ANKRD50: variants seen among roughly 807,000 people sequenced by gnomAD.
The protein encoded by ANKRD50 is ankyrin repeat domain-containing protein 50.
Under a neutral mutation model 112.0 loss-of-function variants are expected in ANKRD50, and 40 were observed. The ratio of observed to expected loss-of-function variants is 0.36; its 90% confidence interval spans 0.28 to 0.46. The LOEUF (loss-of-function observed/expected upper bound fraction) is 0.46. Ranked by LOEUF, ANKRD50 falls within the 20% of genes least tolerant of loss-of-function variation. ANKRD50 has a pLI of 1.00. For missense variants in ANKRD50, 1,487 were observed against 1,701.7 expected, an observed-to-expected ratio of 0.87 and a Z score of 2.22; for synonymous variants, 613 against 619.1, an observed-to-expected ratio of 0.99 and a Z score of 0.15.
chr4:124,691,904 T>C (rs1215543483), intron 2 of ANKRD50, among the ~76,000 whole-genome samples: 1 of 152,136 alleles, frequency 6.6e-6, no homozygotes, highest in Non-Finnish European at 1.5e-5. Flanking sequence ...AAATCTGAAA[T>C]ACAAATCCAA....
At chr4:124,673,744 T>C (rs1052319833) in intron 3 of ANKRD50, among the ~76,000 whole-genome samples, 1 of 152,098 alleles carries the variant, frequency 6.6e-6, no homozygotes, top group East Asian at 1.9e-4. Context: ...TTTGTAATAC[T>C]AAGCTTTAAG....
Position 124,671,460 on chromosome 4 carries a change from T to G in ANKRD50, c.1817A>C (p.His606Pro). The G allele has an allele frequency of 6.2e-7, 1 of 1,613,802 alleles. No homozygotes were observed. Among genetic ancestry groups the G allele is most frequent in the African/African-American group, 1.3e-5 (1 of 75,002 alleles). ...TGCTGTCCAACCATCTTGATCAGTA[T>G]GATTAATATTTGCTCCACACCCAAT... The part of the protein sequence containing the change: ...CLIGCGANIN[H>P]TDQDGWTALR... The change falls in exon 4 of 5, where the codon CAT becomes CCT. Residue 606 changes from histidine to proline, a missense_variant. His to Pro is a moderately conservative substitution (Grantham distance 77, BLOSUM62 -2). Around this residue, in one of 2 missense-constraint regions of ANKRD50, gnomAD observed 1,046 missense variants for 1,269.5 expected, o/e 0.82. Transcript: ENST00000504087.
chr4:124,705,799 T>C (rs1221730884), intron 2 of ANKRD50, among the ~76,000 whole-genome samples: 1 of 152,162 alleles, frequency 6.6e-6, no homozygotes, highest in Non-Finnish European at 1.5e-5. Flanking sequence ...ACAGTCAATG[T>C]AAAATATACA....
intron 2 of ANKRD50, among the ~76,000 whole-genome samples, chr4:124,692,000 A>G (rs1209035814): frequency 1.3e-5 from 2 of 152,252 alleles, no homozygotes; most frequent in African/African-American, 4.8e-5. Context: ...GACAAGCCGA[A>G]GTCAAAATGC....
chr4:124,697,165 T>A (rs193110162), intron 2 of ANKRD50, among the ~76,000 whole-genome samples: 28 of 152,302 alleles, frequency 1.8e-4, no homozygotes, highest in African/African-American at 6.5e-4. Flanking sequence ...AGAAGTTGAG[T>A]AAGCAGTTAG....
In ANKRD50 at chr4:124,670,774, C is replaced by T. The variant is rs1478757885; in HGVS notation, c.2503G>A (p.Asp835Asn). 6.2e-7 allele frequency: 1 copy of T among 1,613,864 alleles called. No homozygotes were observed. The highest frequency in any genetic ancestry group is 8.5e-7 in the Non-Finnish European group (1 of 1,179,868). The change falls in exon 4 of 5, where the codon GAT becomes AAT. Residue 835 changes from aspartate (D) to asparagine (N), a missense_variant. Coordinates refer to ENST00000504087, the MANE Select transcript of ANKRD50 (RefSeq NM_020337.3). The part of the protein sequence containing the change: ...GNVEVVRTLL[D>N]RGLDENHRDD... ...CTGTGATTTTCATCTAACCCTCTAT[C>T]CAGTAGAGTACGTACCACCTCAACA... is the stretch of plus-strand genomic sequence containing the variant.
At chr4:124,691,852 T>C (rs930719300) in intron 2 of ANKRD50, among the ~76,000 whole-genome samples, 3 of 152,202 alleles carry the variant, frequency 2.0e-5, no homozygotes, top group African/African-American at 7.2e-5. Flanking sequence ...ATCACTGATT[T>C]CTACTTGAAA....
intron 2 of ANKRD50, among the ~76,000 whole-genome samples, chr4:124,684,681 T>G (rs1426638350): frequency 2.0e-5 from 3 of 152,198 alleles, no homozygotes; most frequent in African/African-American, 7.2e-5. Flanking sequence ...GATATTAACT[T>G]TCACATTAGA....
chr4:124,669,868 T>C lies in ANKRD50; in HGVS notation c.3409A>G (p.Ser1137Gly), dbSNP rs1730591815. 1 of 1,612,874 alleles carries C rather than the reference T, an allele frequency of 6.2e-7. No homozygotes were observed. The highest frequency in any genetic ancestry group is 1.3e-5 in the African/African-American group (1 of 74,806). The change falls in exon 4 of 5, where the codon AGC becomes GGC. Residue 1137 changes from serine (S) to glycine (G), a missense_variant. By Grantham distance (56) the Ser-to-Gly change is moderately conservative (BLOSUM62 0). This residue lies in a region of ANKRD50 where 441 missense variants were observed against 432.2 expected (regional missense o/e 1.02). Transcript: ENST00000504087. ...KVQSLTIKSN[S>G]SGSTGGGDMQ... ...TCCCCTCCACCAGTACTACCAGAGC[T>C]ATTTGATTTAATTGTTAATGACTGC...
At chr4:124,704,178 A>G (rs1416885130) in intron 2 of ANKRD50, among the ~76,000 whole-genome samples, 1 of 152,230 alleles carries the variant, frequency 6.6e-6, no homozygotes, top group South Asian at 2.1e-4. Flanking sequence ...AATTATATTG[A>G]TTCACTTATT....
At chr4:124,707,484 G>C (rs2110529824) in intron 2 of ANKRD50, among the ~76,000 whole-genome samples, 1 of 152,184 alleles carries the variant, frequency 6.6e-6, no homozygotes, top group Non-Finnish European at 1.5e-5. Context: ...AGTGAATATA[G>C]CTGTATTATA....
intron 2 of ANKRD50, among the ~76,000 whole-genome samples, chr4:124,706,847 A>G (rs1428479851): frequency 6.6e-6 from 1 of 152,118 alleles, no homozygotes; most frequent in Non-Finnish European, 1.5e-5. Flanking sequence ...GAGCAAAAGT[A>G]TCTAACACAA....
In ANKRD50 at chr4:124,665,838, A is replaced by G. The variant is rs1223537721; in HGVS notation, c.*1680T>C. The G allele has an allele frequency of 1.3e-5, 2 of 152,556 alleles. No individual in the cohort carries two copies. Among genetic ancestry groups the G allele is most frequent in the East Asian group, 1.9e-4 (1 of 5,166 alleles). The allele number at this position is 152,556 out of a possible 1,614,324, so 9.5% of individuals were successfully genotyped here. On this transcript the variant is annotated 3_prime_UTR_variant, in exon 5 of 5. Transcript: ENST00000504087. ...ATGAGTTTTGCTGACTTTAAAAAAT[A>G]AAAGCAAGAAAAGCCTTACAATAAG...
In ANKRD50 at chr4:124,670,438, G is replaced by A; in HGVS notation, c.2839C>T (p.Arg947Trp). Residue 947 changes from arginine (R) to tryptophan (W), a missense_variant, in exon 4 of 5, where the codon CGG becomes TGG. Arg to Trp is a moderately radical substitution (Grantham distance 101). Coordinates refer to ENST00000504087, the MANE Select transcript of ANKRD50 (RefSeq NM_020337.3). The part of the protein sequence containing the change: ...ADVNCKDADG[R>W]PTLYILALEN... ...AAGGCCAAGATATAAAGTGTAGGCC[G>A]ACCATCAGCATCTTTGCAGTTAACA... is the stretch of plus-strand genomic sequence containing the variant. 19 of 1,613,780 alleles carry A rather than the reference G, an allele frequency of 1.2e-5. No homozygotes were observed. Among genetic ancestry groups the A allele is most frequent in the Non-Finnish European group, 1.4e-5 (17 of 1,179,856 alleles).
chr4:124,691,424 G>A (rs866831758), intron 2 of ANKRD50, among the ~76,000 whole-genome samples: 29 of 147,584 alleles, frequency 2.0e-4, no homozygotes, highest in African/African-American at 6.8e-4. Flanking sequence ...CCCGGGAAGC[G>A]GAGCTTGCAG....
intron 2 of ANKRD50, among the ~76,000 whole-genome samples, chr4:124,693,795 C>T (rs529568800): frequency 2.0e-5 from 3 of 152,186 alleles, no homozygotes; most frequent in Admixed American, 6.5e-5. Flanking sequence ...TCTAAATGTA[C>T]GTTTTGATGA....
chr4:124,669,871 T>A lies in ANKRD50; in HGVS notation c.3406A>T (p.Asn1136Tyr). Residue 1136 changes from asparagine to tyrosine, a missense_variant, in exon 4 of 5, where the codon AAT (asparagine) becomes TAT (tyrosine). Coordinates refer to ENST00000504087, the MANE Select transcript of ANKRD50 (RefSeq NM_020337.3). ...SKVQSLTIKS[N>Y]SSGSTGGGDM... ...CCTCCACCAGTACTACCAGAGCTAT[T>A]TGATTTAATTGTTAATGACTGCACT... is the stretch of plus-strand genomic sequence containing the variant. 6.2e-7 allele frequency: 1 copy of A among 1,612,964 alleles called. No homozygotes were observed. The highest frequency in any genetic ancestry group is 1.1e-5 in the South Asian group (1 of 90,742).
rs1431399385 is a variant in ANKRD50, at chr4:124,672,278, T to C, written c.999A>G (p.Leu333=). ...IRDIPGTLNG[L]YLWLCQRLFV... is the part of the protein sequence containing the mutation. ...AAAGTCTTTGGCACAGCCAGAGATA[T>C]AAACCATTTAGAGTTCCTGGGATGT... Residue 333 remains leucine (L), a synonymous_variant, in exon 4 of 5, where the codon TTA becomes TTG. Coordinates refer to ENST00000504087, the MANE Select transcript of ANKRD50 (RefSeq NM_020337.3). The C allele has an allele frequency of 3.7e-6, 6 of 1,613,760 alleles. No homozygotes were observed. The highest frequency in any genetic ancestry group is 5.1e-6 in the Non-Finnish European group (6 of 1,179,834).
chr4:124,681,505 C>A (rs897458372), intron 2 of ANKRD50, among the ~76,000 whole-genome samples: 1 of 152,166 alleles, frequency 6.6e-6, no homozygotes, highest in African/African-American at 2.4e-5. Context: ...CTCCCCTAGT[C>A]CTGGGCACAT....
Sources: allele counts gnomAD v4.1 joint callset (sites outside exome capture counted in the v4.1 genomes callset), GRCh38; gene constraint gnomAD v4.1.1; regional missense constraint gnomAD v4.1.1; transcripts MANE v1.5; gene names NCBI Gene and HGNC (gene_info 2026-07-23, HGNC 2026-07-21).